Variants in PRKCA observed in about 807,000 individuals in gnomAD.
PRKCA encodes the protein protein kinase C alpha type.
A neutral mutation model predicts 87.0 loss-of-function variants in PRKCA; 27 were observed. That is an observed-to-expected ratio of 0.31 (90% CI 0.23 to 0.43). PRKCA has a LOEUF of 0.43. PRKCA is among the 20% of genes least tolerant of loss of function. The probability of loss-of-function intolerance (pLI) is 1.00; values close to 1 mark genes in which losing one functional copy is unlikely to be tolerated. For missense variants in PRKCA, 518 were observed against 852.3 expected, an observed-to-expected ratio of 0.61 and a Z score of 4.88; for synonymous variants, 329 against 311.1, an observed-to-expected ratio of 1.06 and a Z score of -0.61.
At chr17:66,406,233 A>G (rs1453117778) in intron 2 of PRKCA, among the ~76,000 whole-genome samples, 2 of 152,216 alleles carry the variant, frequency 1.3e-5, no homozygotes, top group Admixed American at 6.5e-5. Context: ...GTCTCCCATT[A>G]AAGAACGGGG....
At chr17:66,793,610 A>C (rs1045133061) in intron 16 of PRKCA, among the ~76,000 whole-genome samples, 1 of 151,362 alleles carries the variant, frequency 6.6e-6, no homozygotes, top group Non-Finnish European at 1.5e-5. Context: ...AAAAAAAAAA[A>C]AAAAAACCGG....
intron 2 of PRKCA, among the ~76,000 whole-genome samples, chr17:66,388,940 T>G (rs1910213337): frequency 6.6e-6 from 1 of 151,996 alleles, no homozygotes; most frequent in African/African-American, 2.4e-5. Flanking sequence ...AAGACCTCAC[T>G]GGGAAAGAAA....
At chr17:66,545,125 G>A (rs767433961) in intron 3 of PRKCA, among the ~76,000 whole-genome samples, 3 of 152,156 alleles carry the variant, frequency 2.0e-5, no homozygotes, top group Non-Finnish European at 4.4e-5. Context: ...CAGTGCTGCA[G>A]GAGTTTAATA....
In PRKCA at chr17:66,804,023, C is replaced by G; in HGVS notation, c.2005C>G (p.Gln669Glu). The change falls in exon 17 of 17, where the codon CAG becomes GAG. Residue 669 changes from glutamine to glutamate, a missense_variant. Gln to Glu is a conservative substitution (Grantham distance 29). Around this residue, in one of 5 missense-constraint regions of PRKCA, gnomAD observed 159 missense variants for 232.4 expected, o/e 0.68. Coordinates refer to ENST00000413366, the MANE Select transcript of PRKCA (RefSeq NM_002737.3). Reference protein sequence around the residue: ...VNPQFVHPILQSAV With the variant: ...VNPQFVHPILESAV ...CCCCCAGTTTGTGCACCCCATCTTA[C>G]AGAGTGCAGTATGAAACTCACCAGC... 3 of 1,612,868 alleles carry G rather than the reference C, an allele frequency of 1.9e-6. No homozygotes were observed. The highest frequency in any genetic ancestry group is 2.5e-6 in the Non-Finnish European group (3 of 1,179,112).
intron 8 of PRKCA, chr17:66,703,943 G>T (rs1242689288): frequency 2.0e-5 from 3 of 152,086 alleles, no homozygotes; most frequent in Admixed American, 2.0e-4. Flanking sequence ...TGGCAGTACA[G>T]TACCTTTGTT....
intron 3 of PRKCA, among the ~76,000 whole-genome samples, chr17:66,592,196 A>G (rs1051451840): frequency 6.6e-6 from 1 of 152,156 alleles, no homozygotes; most frequent in Non-Finnish European, 1.5e-5. Context: ...CTCTACTACA[A>G]ATACAAAAAT....
intron 2 of PRKCA, among the ~76,000 whole-genome samples, chr17:66,401,039 A>C (rs1023376626): frequency 2.7e-4 from 41 of 152,288 alleles, no homozygotes; most frequent in African/African-American, 9.4e-4. Context: ...ATTTAGTACA[A>C]ATGTTCTCAG....
intron 8 of PRKCA, among the ~76,000 whole-genome samples, chr17:66,714,604 G>C (rs1167308955): frequency 1.3e-5 from 2 of 152,348 alleles, no homozygotes; most frequent in East Asian, 3.9e-4. Context: ...GCTGTGGCGA[G>C]ACTACTCAGA....
chr17:66,654,909 T>G (rs1971694095), intron 5 of PRKCA, among the ~76,000 whole-genome samples: 1 of 152,166 alleles, frequency 6.6e-6, no homozygotes, highest in South Asian at 2.1e-4. Flanking sequence ...AGCATGTGAG[T>G]TGCGTGGGCA....
intron 2 of PRKCA, among the ~76,000 whole-genome samples, chr17:66,366,583 TAAA>T (rs139651887): frequency 0.011 from 1,747 of 152,150 alleles, 30 homozygotes; most frequent in African/African-American, 0.04. Flanking sequence ...TTGTCAAAGT[TAAA>T]TAATAGCAGT....
chr17:66,570,813 G>A (rs1004077775), intron 3 of PRKCA, among the ~76,000 whole-genome samples: 1 of 152,140 alleles, frequency 6.6e-6, no homozygotes, highest in African/African-American at 2.4e-5. Context: ...GCATAATCTG[G>A]TGGGATGTTC....
At chr17:66,380,282 A>G (rs1488448153) in intron 2 of PRKCA, among the ~76,000 whole-genome samples, 1 of 151,928 alleles carries the variant, frequency 6.6e-6, no homozygotes, top group African/African-American at 2.4e-5. Context: ...TTGTCTGCCC[A>G]TACATACATA....
At chr17:66,385,667 G>T (rs1266872048) in intron 2 of PRKCA, among the ~76,000 whole-genome samples, 2 of 152,216 alleles carry the variant, frequency 1.3e-5, no homozygotes, top group Non-Finnish European at 2.9e-5. Flanking sequence ...TTTTAGGCCA[G>T]CCTGGCCAAC....
chr17:66,459,016 T>C (rs1914710108), intron 2 of PRKCA, among the ~76,000 whole-genome samples: 1 of 151,940 alleles, frequency 6.6e-6, no homozygotes, highest in African/African-American at 2.4e-5. Flanking sequence ...TACCCTGCTA[T>C]GAAGTAATGG....
rs1300472726 is a variant in PRKCA, at chr17:66,807,188, T to C, written c.*3151T>C. 1.3e-5 allele frequency: 2 copies of C among 152,322 alleles called. No homozygotes were observed. The allele number at this position is 152,322 out of a possible 1,614,324, so 9.4% of individuals were successfully genotyped here. ...GTCCTTGCCCCTGAGCACTGCCTGA[T>C]TGCCAGGGCCTGTGGAGGTCTAGGC... On this transcript the variant is annotated 3_prime_UTR_variant, in exon 17 of 17. Coordinates refer to ENST00000413366, the MANE Select transcript of PRKCA (RefSeq NM_002737.3). The surrounding 1 kb of genome is among the most constrained non-coding windows in gnomAD (Gnocchi z 4.3).
intron 3 of PRKCA, among the ~76,000 whole-genome samples, chr17:66,546,564 A>G (rs1308482301): frequency 1.3e-5 from 2 of 152,200 alleles, no homozygotes; most frequent in Non-Finnish European, 2.9e-5. Flanking sequence ...CTCTGTGTTC[A>G]CATGGCCATC....
intron 5 of PRKCA, among the ~76,000 whole-genome samples, chr17:66,685,825 T>C (rs529244349): frequency 5.3e-5 from 8 of 152,370 alleles, no homozygotes; most frequent in Middle Eastern, 6.8e-3. Flanking sequence ...AATCAAACTA[T>C]GCTGATAAAC....
chr17:66,374,719 C>CTTTTTTTTTTTTTTTTTTTTTTTTTTTTT (rs35431248), intron 2 of PRKCA, among the ~76,000 whole-genome samples: 1 of 115,826 alleles, frequency 8.6e-6, no homozygotes, highest in Non-Finnish European at 1.7e-5. Flanking sequence ...GAGTTGCATT[C>CTTTTTTTTTTTTTTTTTTTTTTTTTTTTT]TTTTTTTTTT....
chr17:66,749,763 G>A (rs1239047636), intron 13 of PRKCA, among the ~76,000 whole-genome samples: 1 of 152,196 alleles, frequency 6.6e-6, no homozygotes, highest in Non-Finnish European at 1.5e-5. Flanking sequence ...GGAGGACAGA[G>A]ATGAAGCCTT....
Sources: gnomAD v4.1 joint callset for allele counts (sites outside exome capture counted in the v4.1 genomes callset) on GRCh38, gnomAD v4.1.1 for gene constraint, gnomAD v4.1.1 regional missense constraint, Gnocchi (gnomAD v3.1) non-coding constraint, MANE v1.5 for transcripts, NCBI Gene and HGNC (gene_info 2026-07-23, HGNC 2026-07-21) for gene names.